The following RNASEH2B variants were observed in gnomAD, a reference collection of about 807,000 sequenced individuals.
RNASEH2B encodes the protein ribonuclease H2 subunit B.
In RNASEH2B, 36 loss-of-function variants were observed where a neutral mutation model predicts 45.0. The ratio of observed to expected loss-of-function variants is 0.80; its 90% CI spans 0.61 to 1.06. The LOEUF (loss-of-function observed/expected upper bound fraction) is 1.06, where lower values mean the gene tolerates loss of function less well. Among genes scored for constraint, RNASEH2B ranks in the 50% least tolerant of loss-of-function variants. The pLI, the probability that RNASEH2B is intolerant of heterozygous loss-of-function variation, is 0.00. For missense variants in RNASEH2B, 361 were observed against 360.3 expected (o/e 1.00, Z -0.02); for synonymous variants, 119 against 125.7 (o/e 0.95, Z 0.35).
chr13:50,935,183 A>G, intron 5 of RNASEH2B, 184 bp downstream of exon 5: 1 of 603,030 alleles, frequency 1.7e-6, no homozygotes, highest in Non-Finnish European at 3.0e-6. Context: ...AGTCTTTGGA[A>G]CTACAACCAT....
At chr13:50,945,931 G>A (rs1344931374) in intron 7 of RNASEH2B, among the ~76,000 whole-genome samples, 1 of 152,086 alleles carries the variant, frequency 6.6e-6, no homozygotes, top group African/African-American at 2.4e-5. Context: ...ACTAGTAAAT[G>A]CCAAAGCTGA....
intron 3 of RNASEH2B, 109 bp from the exon 4 acceptor site, chr13:50,930,574 A>T (rs1951665876): frequency 1.2e-6 from 1 of 838,832 alleles, no homozygotes; most frequent in African/African-American, 1.7e-5. Flanking sequence ...TTGAATTTGG[A>T]ATTTCACATA....
chr13:50,940,866 A>G (rs1477297440), intron 5 of RNASEH2B: 1 of 152,218 alleles, frequency 6.6e-6, no homozygotes, highest in East Asian at 1.9e-4. Context: ...GGTTGTTAGG[A>G]GGTACTGAGG....
At chr13:50,961,566 A>G (rs1952111412), downstream of RNASEH2B, among the ~76,000 whole-genome samples, 1 of 152,028 alleles carries the variant, frequency 6.6e-6, no homozygotes, top group East Asian at 1.9e-4. Context: ...CTGGAGTTTC[A>G]GCCTCTTGTC....
chr13:50,951,354 TC>T (rs1246619335), intron 9 of RNASEH2B: 3 of 152,230 alleles, frequency 2.0e-5, no homozygotes, highest in African/African-American at 7.2e-5. Context: ...GGAAATATAT[TC>T]CAGTAGTCAT....
chr13:50,932,020 A>G (rs191681508), intron 4 of RNASEH2B, among the ~76,000 whole-genome samples: 1 of 152,074 alleles, frequency 6.6e-6, no homozygotes, highest in Non-Finnish European at 1.5e-5. Context: ...CTCATCAGAA[A>G]GCTCTTTAGG....
chr13:50,964,375 A>G (rs1952144096), intron 9 of RNASEH2B, among the ~76,000 whole-genome samples: 1 of 152,190 alleles, frequency 6.6e-6, no homozygotes. Context: ...TAATACTGAC[A>G]AACACTGTAT....
At chr13:50,949,333 A>G in intron 8 of RNASEH2B, 130 bp from the exon 9 acceptor site, 1 of 758,550 alleles carries the variant, frequency 1.3e-6, no homozygotes, top group Admixed American at 2.1e-5. Flanking sequence ...AGTTGATTGA[A>G]CAGGAAGATA....
intron 1 of RNASEH2B, among the ~76,000 whole-genome samples, chr13:50,913,929 G>A (rs1879581138): frequency 2.0e-5 from 3 of 151,976 alleles, no homozygotes; most frequent in South Asian, 4.1e-4. Flanking sequence ...TCATGCATTA[G>A]AACTATGTTC....
chr13:50,930,508 C>T lies in RNASEH2B; in HGVS notation c.245-175C>T, dbSNP rs180690062. 8.7e-4 allele frequency among the ~76,000 whole-genome samples: 132 copies of T among 152,318 alleles called. 1 individual carries two copies. The highest frequency in any genetic ancestry group is 3.0e-3 in the African/African-American group (123 of 41,566). On this transcript the variant is annotated intron_variant, in intron 3 of 10. Coordinates refer to ENST00000336617, the MANE Select transcript of RNASEH2B (RefSeq NM_024570.4). ...CTCTTTGGAGTAAAATCTCATAGAG[C>T]ACATTCTGCCTTTTGAGAGAATCAC...
intron 9 of RNASEH2B, among the ~76,000 whole-genome samples, chr13:50,966,077 A>C (rs986516243): frequency 3.3e-5 from 5 of 152,234 alleles, no homozygotes; most frequent in African/African-American, 1.2e-4. Context: ...TAATAATTGA[A>C]AAGTGAAAAA....
chr13:50,930,640 T>G, intron 3 of RNASEH2B, 43 bp from the exon 4 acceptor site: 1 of 1,397,316 alleles, frequency 7.2e-7, no homozygotes, highest in South Asian at 1.2e-5. Context: ...CACATTGTCT[T>G]TCCAAGACGT....
chr13:50,932,377 AG>A (rs1183947205), intron 4 of RNASEH2B, among the ~76,000 whole-genome samples: 1 of 152,210 alleles, frequency 6.6e-6, no homozygotes, highest in Non-Finnish European at 1.5e-5. Flanking sequence ...CTTGTGTTCA[AG>A]GGCCAAGATT....
intron 9 of RNASEH2B, among the ~76,000 whole-genome samples, chr13:50,963,257 C>T (rs535646389): frequency 5.3e-4 from 81 of 152,216 alleles, no homozygotes; most frequent in African/African-American, 1.9e-3. Flanking sequence ...TTCCGCCTCC[C>T]GGGTTCAAGT....
chr13:50,970,069 C>T, exon 10 of RNASEH2B: 1 of 1,044,810 alleles, frequency 9.6e-7, no homozygotes, highest in Admixed American at 2.1e-5. Flanking sequence ...TCGCCAGGTG[C>T]CAAAAGGTGC....
At chr13:50,937,703 C>A (rs1284889733) in intron 5 of RNASEH2B, 1 of 152,038 alleles carries the variant, frequency 6.6e-6, no homozygotes, top group Non-Finnish European at 1.5e-5. Context: ...TTATGCATTA[C>A]AAAATTGTAT....
chr13:50,927,519 T>G, intron 2 of RNASEH2B, 41 bp downstream of exon 2: 1 of 1,258,240 alleles, frequency 7.9e-7, no homozygotes, highest in African/African-American at 1.5e-5. Flanking sequence ...TTAAATGTTG[T>G]GGCTAATGAG....
In RNASEH2B at chr13:50,944,044, CGGGACGGGATGGGAT is replaced by C. The variant is rs982171035; in HGVS notation, c.510+670_510+684del. On this transcript the variant is annotated intron_variant, in intron 6 of 10. Transcript: ENST00000336617. ...ACGGGACGGACGGGACGTGATGGGA[CGGGACGGGATGGGAT>C]GGGACGGGATGGGATGGGATGGGTT... 5.8e-5 allele frequency among the ~76,000 whole-genome samples: 6 copies of C among 103,956 alleles called. No homozygotes were observed. The South Asian group carries it at 1.0e-3, about 18-fold the overall frequency. 68.2% of individuals were successfully genotyped at this position (103,956 alleles called of 152,430 possible). A position where few individuals can be genotyped will look rare whatever the true frequency, so the allele number is the denominator to read the frequency against.
intron 6 of RNASEH2B, among the ~76,000 whole-genome samples, chr13:50,943,782 A>G (rs557367743): frequency 6.6e-6 from 1 of 152,322 alleles, no homozygotes; most frequent in Non-Finnish European, 1.5e-5. Flanking sequence ...ACCCAGGGAC[A>G]CAGCCAGGCA....
Sources: allele counts gnomAD v4.1 joint callset (sites outside exome capture counted in the v4.1 genomes callset), GRCh38; gene constraint gnomAD v4.1.1; transcripts MANE v1.5; gene names NCBI Gene and HGNC (gene_info 2026-07-23, HGNC 2026-07-21).